The following CAMK2G variants were observed in gnomAD, a reference collection of about 807,000 sequenced individuals.
The protein encoded by CAMK2G is calcium/calmodulin-dependent protein kinase type II subunit gamma.
CAMK2G carries 23 observed loss-of-function variants against 88.7 expected under a neutral mutation model. The observed-to-expected ratio is 0.26, with a 90% CI of 0.19 to 0.37. The LOEUF (loss-of-function observed/expected upper bound fraction) is 0.37, where lower values mean the gene tolerates loss of function less well. CAMK2G is among the 10% of genes least tolerant of loss of function. The pLI is 1.00. For synonymous variants in CAMK2G, 263 were observed against 294.8 expected (o/e 0.89, Z 1.11); for missense variants, 476 against 780.8 (o/e 0.61, Z 4.65).
At chr10:73,837,305 C>T in intron 14 of CAMK2G, 163 bp downstream of exon 14, 1 of 718,590 alleles carries the variant, frequency 1.4e-6, no homozygotes, top group Admixed American at 1.9e-5. Context: ...ACTTCCCTCT[C>T]AGGCCAGCAG....
intron 21 of CAMK2G, 82 bp from the exon 22 acceptor site, chr10:73,815,329 A>C: frequency 1.1e-6 from 1 of 921,690 alleles, no homozygotes; most frequent in Non-Finnish European, 1.7e-6. Context: ...TCCAAGTCTT[A>C]CCATCTCCCA....
intron 14 of CAMK2G, among the ~76,000 whole-genome samples, chr10:73,830,222 T>C (rs148742896): frequency 3.3e-5 from 5 of 152,372 alleles, no homozygotes; most frequent in African/African-American, 1.2e-4. Context: ...TAGCCATGCA[T>C]AGCTGGGCTC....
Position 73,847,351 on chromosome 10 carries a change from A to G in CAMK2G, c.697-4T>C. 1 of 1,614,158 alleles carries G rather than the reference A, an allele frequency of 6.2e-7. No homozygotes were observed. Among genetic ancestry groups the G allele is most frequent in the Non-Finnish European group, 8.5e-7 (1 of 1,179,974 alleles). On this transcript the variant is annotated splice_polypyrimidine_tract_variant and splice_region_variant and intron_variant, in intron 9 of 22. Transcript: ENST00000423381. ...TGTCCCATTCTGGTGATGGGAACTA[A>G]GGAGCAGGAATAGGGAGAAGAATGT...
At chr10:73,816,593 T>C (rs758692427) in intron 21 of CAMK2G, 6 of 605,926 alleles carry the variant, frequency 9.9e-6, no homozygotes, top group Middle Eastern at 6.7e-4. Flanking sequence ...CCCGAGTAGC[T>C]GGGACTACAG....
At chr10:73,869,994 G>A (rs2095759421) in intron 2 of CAMK2G, among the ~76,000 whole-genome samples, 1 of 152,178 alleles carries the variant, frequency 6.6e-6, no homozygotes, top group Non-Finnish European at 1.5e-5. Flanking sequence ...TAGTAATATG[G>A]GGGAAATGCT....
intron 21 of CAMK2G, 25 bp downstream of exon 21, chr10:73,816,998 A>G (rs2085822510): frequency 6.2e-7 from 1 of 1,613,982 alleles, no homozygotes; most frequent in Admixed American, 1.7e-5. Flanking sequence ...AGGCAGGAGT[A>G]TATCAGCAGC....
chr10:73,862,416 T>C (rs2095422929), intron 2 of CAMK2G, among the ~76,000 whole-genome samples: 1 of 151,870 alleles, frequency 6.6e-6, no homozygotes, highest in African/African-American at 2.4e-5. Flanking sequence ...GGTAGTGCTT[T>C]CTAGAGTTCT....
intron 21 of CAMK2G, chr10:73,816,455 T>A: frequency 9.1e-7 from 1 of 1,096,798 alleles, no homozygotes; most frequent in Non-Finnish European, 1.1e-6. Context: ...GAGGTGAGGC[T>A]TAAATAATTT....
At chr10:73,872,072 A>AC (rs1322464960) in intron 2 of CAMK2G, among the ~76,000 whole-genome samples, 1 of 152,082 alleles carries the variant, frequency 6.6e-6, no homozygotes, top group Non-Finnish European at 1.5e-5. Flanking sequence ...CCCCAGCTGC[A>AC]CCCTGCAGCC....
At chr10:73,818,826 T>C (rs1206438102) in intron 19 of CAMK2G, 1 of 456,262 alleles carries the variant, frequency 2.2e-6, no homozygotes, top group Middle Eastern at 3.3e-4. Flanking sequence ...GGGTTGTGCT[T>C]AGAAACTCTG....
At chr10:73,833,135 T>TC (rs1268546798) in intron 14 of CAMK2G, among the ~76,000 whole-genome samples, 1 of 151,238 alleles carries the variant, frequency 6.6e-6, no homozygotes, top group African/African-American at 2.4e-5. Context: ...TAATTTTTTT[T>TC]TTTTTTTTTA....
At chr10:73,859,794 C>T (rs1213201841) in intron 3 of CAMK2G, among the ~76,000 whole-genome samples, 3 of 152,254 alleles carry the variant, frequency 2.0e-5, no homozygotes, top group African/African-American at 7.2e-5. Flanking sequence ...AGCAGGACCT[C>T]AGCCCTTCCA....
intron 2 of CAMK2G, among the ~76,000 whole-genome samples, chr10:73,865,228 C>T (rs528516864): frequency 6.6e-6 from 1 of 152,310 alleles, no homozygotes; most frequent in East Asian, 1.9e-4. Flanking sequence ...CCATTGCAGT[C>T]CTGGAGGTGG....
chr10:73,864,097 T>C (rs2095492571), intron 2 of CAMK2G, among the ~76,000 whole-genome samples: 1 of 152,106 alleles, frequency 6.6e-6, no homozygotes, highest in African/African-American at 2.4e-5. Flanking sequence ...GTAATCCCAG[T>C]CCAGTACTTT....
intron 18 of CAMK2G, among the ~76,000 whole-genome samples, chr10:73,820,492 A>ATATATATATT (rs1554995765): frequency 1.8e-4 from 9 of 51,058 alleles, no homozygotes; most frequent in African/African-American, 5.3e-4. Flanking sequence ...ATATATATAT[A>ATATATATATT]TTTTTTTTTT....
At chr10:73,849,512 G>A (rs905047409) in intron 5 of CAMK2G, among the ~76,000 whole-genome samples, 179 bp from the exon 6 acceptor site, 1 of 152,196 alleles carries the variant, frequency 6.6e-6, no homozygotes, top group African/African-American at 2.4e-5. Flanking sequence ...TTTAAAGAAA[G>A]AGGAAACCGA....
chr10:73,827,782 G>A (rs1389182393), intron 15 of CAMK2G, among the ~76,000 whole-genome samples: 1 of 152,220 alleles, frequency 6.6e-6, no homozygotes, highest in Non-Finnish European at 1.5e-5. Flanking sequence ...GGTGACAAGA[G>A]AGTGAGGGTC....
intron 1 of CAMK2G, among the ~76,000 whole-genome samples, chr10:73,873,727 G>T: frequency 7.4e-6 from 1 of 135,792 alleles, no homozygotes; most frequent in Non-Finnish European, 1.6e-5. Flanking sequence ...AAACGTCTGG[G>T]GGGGCGGGCG....
chr10:73,833,022 T>C (rs1358680007), intron 14 of CAMK2G, among the ~76,000 whole-genome samples: 1 of 150,862 alleles, frequency 6.6e-6, no homozygotes, highest in East Asian at 1.9e-4. Flanking sequence ...TGGAGCGCAG[T>C]GGTGTGATCC....
Sources: gnomAD v4.1 joint callset for allele counts (sites outside exome capture counted in the v4.1 genomes callset) on GRCh38, gnomAD v4.1.1 for gene constraint, MANE v1.5 for transcripts, NCBI Gene and HGNC (gene_info 2026-07-23, HGNC 2026-07-21) for gene names.